RPA3: variants seen among roughly 807,000 people sequenced by gnomAD.
RPA3 encodes the protein replication protein A3.
RPA3 carries 24 observed loss-of-function variants against 13.7 expected under a neutral mutation model. The ratio of observed to expected loss-of-function variants is 1.75; its 90% CI spans 1.27 to 2.46. The LOEUF (loss-of-function observed/expected upper bound fraction) is 2.46. Ranked by LOEUF, RPA3 falls within the 30% of genes most tolerant of loss-of-function variation. RPA3 has a pLI of 0.00. For synonymous variants in RPA3, 59 were observed against 51.2 expected (o/e 1.15, Z -0.65); for missense variants, 183 against 151.0 (o/e 1.21, Z -1.11).
In RPA3 at chr7:7,640,711, A is replaced by T; in HGVS notation, c.-293T>A. 2 of 363,206 alleles carry T rather than the reference A, an allele frequency of 5.5e-6. No individual in the cohort carries two copies. The highest frequency in any genetic ancestry group is 1.0e-5 in the Non-Finnish European group (2 of 197,164). The allele number at this position is 363,206 out of a possible 1,614,324, so 22.5% of individuals were successfully genotyped here. On this transcript the variant is annotated 5_prime_UTR_variant, in exon 5 of 8. Coordinates refer to ENST00000223129, the MANE Select transcript of RPA3 (RefSeq NM_002947.5). The stretch of plus-strand genomic sequence containing the variant: ...GAGGCGGGACTTGGATAGGGGCGGA[A>T]CCTGAGACTACCTTTCTGCGATCAC...
At chr7:7,674,899 A>G (rs1248504632) in intron 4 of RPA3, among the ~76,000 whole-genome samples, 2 of 152,080 alleles carry the variant, frequency 1.3e-5, no homozygotes, top group African/African-American at 4.8e-5. Flanking sequence ...AATTTTTTCC[A>G]AAAAACTCTT....
At chr7:7,676,612 A>G (rs759501852) in intron 4 of RPA3, among the ~76,000 whole-genome samples, 18 of 152,218 alleles carry the variant, frequency 1.2e-4, no homozygotes, top group Non-Finnish European at 2.6e-4. Flanking sequence ...GTTTTAATAA[A>G]AGAAGGTTGG....
chr7:7,661,462 T>A (rs557586307), intron 4 of RPA3, among the ~76,000 whole-genome samples: 1 of 152,310 alleles, frequency 6.6e-6, no homozygotes, highest in East Asian at 1.9e-4. Flanking sequence ...ACCTTTGGCC[T>A]TTGATGCTGG....
intron 2 of RPA3, among the ~76,000 whole-genome samples, chr7:7,690,344 C>T (rs1425930729): frequency 6.6e-6 from 1 of 151,918 alleles, no homozygotes; most frequent in Non-Finnish European, 1.5e-5. Context: ...CTTTTACCAT[C>T]CCAAATTTCT....
At chr7:7,667,702 A>G (rs954292480) in intron 4 of RPA3, among the ~76,000 whole-genome samples, 3 of 152,242 alleles carry the variant, frequency 2.0e-5, no homozygotes, top group African/African-American at 7.2e-5. Context: ...GTAGGGACTG[A>G]CAAAGACAGA....
chr7:7,668,318 A>G (rs539027939), intron 4 of RPA3, among the ~76,000 whole-genome samples: 1 of 152,010 alleles, frequency 6.6e-6, no homozygotes, highest in Non-Finnish European at 1.5e-5. Context: ...CTTCTTATCT[A>G]TGGTTTTGAT....
At chr7:7,681,028 A>C (rs1380613704) in intron 4 of RPA3, among the ~76,000 whole-genome samples, 1 of 152,098 alleles carries the variant, frequency 6.6e-6, no homozygotes, top group African/African-American at 2.4e-5. Flanking sequence ...CAGAAAAATA[A>C]ATATATTTTG....
At chr7:7,671,005 C>G (rs1313127293) in intron 4 of RPA3, among the ~76,000 whole-genome samples, 1 of 152,164 alleles carries the variant, frequency 6.6e-6, no homozygotes, top group Non-Finnish European at 1.5e-5. Context: ...ACTTCCTTGG[C>G]TACAACGGAA....
At chr7:7,696,327 TG>T (rs1452032589) in intron 2 of RPA3, among the ~76,000 whole-genome samples, 2 of 149,964 alleles carry the variant, frequency 1.3e-5, no homozygotes, top group Non-Finnish European at 3.0e-5. Context: ...CCAAAACAAA[TG>T]TGGTCTGATG....
intron 4 of RPA3, among the ~76,000 whole-genome samples, chr7:7,653,445 G>A (rs557518416): frequency 2.4e-4 from 37 of 152,228 alleles, no homozygotes; most frequent in African/African-American, 8.7e-4. Flanking sequence ...TATCTTCTAA[G>A]GATGCTAGTT....
intron 4 of RPA3, among the ~76,000 whole-genome samples, chr7:7,642,166 T>A (rs1784988713): frequency 6.6e-6 from 1 of 152,128 alleles, no homozygotes; most frequent in African/African-American, 2.4e-5. Flanking sequence ...GCAAGATCTC[T>A]CTCTGTCACC....
intron 2 of RPA3, among the ~76,000 whole-genome samples, chr7:7,714,957 A>T (rs1780860175): frequency 6.6e-6 from 1 of 152,084 alleles, no homozygotes; most frequent in South Asian, 2.1e-4. Flanking sequence ...AACAACAACA[A>T]CAACAACAAA....
rs1779588000 is a variant in RPA3 at position 7,670,821 on chromosome 7, A to G, written c.-758+15009T>C. 2.0e-5 allele frequency among the ~76,000 whole-genome samples: 3 copies of G among 152,352 alleles called. No homozygotes were observed. The South Asian group carries it at 6.2e-4, about 32-fold the overall frequency. ...AGGCGAACAAAGGGAGAGAGAGAACAGTCAAAAGTTGTAGCAATTCTGCAA... is the reference window on the plus strand; with the variant it reads ...AGGCGAACAAAGGGAGAGAGAGAACGGTCAAAAGTTGTAGCAATTCTGCAA... On this transcript the variant is annotated intron_variant, in intron 4 of 7. Coordinates refer to ENST00000223129, the MANE Select transcript of RPA3 (RefSeq NM_002947.5).
chr7:7,694,542 T>C (rs1169656444), intron 2 of RPA3, among the ~76,000 whole-genome samples: 1 of 151,780 alleles, frequency 6.6e-6, no homozygotes, highest in African/African-American at 2.4e-5. Context: ...CCCACCACTG[T>C]CCTTCCCAGA....
chr7:7,661,600 G>A (rs1174632608), intron 4 of RPA3, among the ~76,000 whole-genome samples: 1 of 152,168 alleles, frequency 6.6e-6, no homozygotes, highest in Non-Finnish European at 1.5e-5. Context: ...TGGAGGTCCA[G>A]TCGAGACCCT....
chr7:7,673,297 T>A, intron 4 of RPA3: 2 of 1,204,964 alleles, frequency 1.7e-6, no homozygotes, highest in South Asian at 2.6e-5. Context: ...TTGTGTAATG[T>A]TTCTATTTCA....
intron 4 of RPA3, among the ~76,000 whole-genome samples, chr7:7,678,141 T>C (rs1183528632): frequency 4.7e-5 from 1 of 21,468 alleles, no homozygotes; most frequent in Non-Finnish European, 8.1e-5. Context: ...GTTCTGTTTT[T>C]AGTTTTTTTG....
intron 4 of RPA3, among the ~76,000 whole-genome samples, chr7:7,679,898 C>T (rs1416488314): frequency 6.6e-6 from 1 of 151,338 alleles, no homozygotes; most frequent in Non-Finnish European, 1.5e-5. Flanking sequence ...TTTATTTTTT[C>T]CTGTTGAGTT....
In RPA3 at chr7:7,641,186, A is replaced by T. The variant is rs1405667110; in HGVS notation, c.-757-11T>A. 6.6e-6 allele frequency: 1 copy of T among 152,266 alleles called. No homozygotes were observed. The highest frequency in any genetic ancestry group is 1.5e-5 in the Non-Finnish European group (1 of 68,042). The allele number at this position is 152,266 out of a possible 1,614,324, so 9.4% of individuals were successfully genotyped here. On this transcript the variant is annotated splice_polypyrimidine_tract_variant and intron_variant, in intron 4 of 7. Transcript: ENST00000223129. ...CTCCACTTTCTCCACCTGTAAGAAG[A>T]GAGATTGATCCGATTACTTCTAAGA... is the stretch of plus-strand genomic sequence containing the variant.
Sources: allele counts gnomAD v4.1 joint callset (sites outside exome capture counted in the v4.1 genomes callset), GRCh38; gene constraint gnomAD v4.1.1; transcripts MANE v1.5; gene names NCBI Gene and HGNC (gene_info 2026-07-23, HGNC 2026-07-21).